The following SAXO1 variants were observed in gnomAD, a reference collection of about 807,000 sequenced individuals.
SAXO1 encodes the protein stabilizer of axonemal microtubules 1.
Under a neutral mutation model 17.5 loss-of-function variants are expected in SAXO1, and 21 were observed. That is an observed-to-expected ratio of 1.20 (90% CI 0.85 to 1.72). The LOEUF is 1.72. SAXO1 is among the 40% of genes most tolerant of loss of function. SAXO1 has a pLI of 0.00. For missense variants in SAXO1, 843 were observed against 596.0 expected, an observed-to-expected ratio of 1.41 and a Z score of -4.32; for synonymous variants, 274 against 216.5, an observed-to-expected ratio of 1.27 and a Z score of -2.33.
At chr9:18,977,993 CAAAAAAAAAAAAAAAAAAAA>C (rs371914686) in intron 1 of SAXO1, among the ~76,000 whole-genome samples, 1 of 98,660 alleles carries the variant, frequency 1.0e-5, no homozygotes. Flanking sequence ...GAGACCCTGC[CAAAAAAAAAAAAAAAAAAAA>C]AAAAAAAAAA....
In SAXO1 at chr9:18,941,691, G is replaced by A. The variant is rs142086584; in HGVS notation, c.367C>T (p.Arg123Trp). 57 of 1,614,030 alleles carry A rather than the reference G, an allele frequency of 3.5e-5. No homozygotes were observed. The highest frequency in any genetic ancestry group is 1.7e-4 in the African/African-American group (13 of 74,904). Reference protein sequence around the residue: ...PVCRVDPIKPRDSKYPCSDKM... With the variant: ...PVCRVDPIKPWDSKYPCSDKM... Reference sequence around the variant, plus strand: ...TCGCTACATGGATATTTACTGTCCCGAGGTTTGATGGGGTCCACTCGACAG... The same window carrying A: ...TCGCTACATGGATATTTACTGTCCCAAGGTTTGATGGGGTCCACTCGACAG... Residue 123 changes from arginine (R) to tryptophan (W), a missense_variant, in exon 3 of 4, where the codon CGG (arginine) becomes TGG (tryptophan). Transcript: ENST00000380534.
chr9:19,006,767 C>T (rs1222303750), intron 1 of SAXO1, among the ~76,000 whole-genome samples: 1 of 152,148 alleles, frequency 6.6e-6, no homozygotes, highest in East Asian at 1.9e-4. Context: ...AAAATGAGGC[C>T]AGGTGTGGTG....
chr9:18,942,809 G>A (rs766476729), intron 2 of SAXO1, among the ~76,000 whole-genome samples: 13 of 152,180 alleles, frequency 8.5e-5, no homozygotes, highest in African/African-American at 2.9e-4. Context: ...CAGGGCACTC[G>A]CAACTTCCCA....
chr9:18,959,036 G>C (rs572045897), intron 1 of SAXO1, among the ~76,000 whole-genome samples: 109 of 152,240 alleles, frequency 7.2e-4, no homozygotes, highest in Non-Finnish European at 1.4e-3. Flanking sequence ...AAAATCAAAA[G>C]TCATGAGGGC....
At chr9:19,040,663 AAGAG>A (rs777612228) in intron 1 of SAXO1, among the ~76,000 whole-genome samples, 23 of 152,178 alleles carry the variant, frequency 1.5e-4, no homozygotes, top group Middle Eastern at 3.4e-3. Context: ...AAGAAAAAAA[AAGAG>A]AGAGAGAGAA....
intron 1 of SAXO1, among the ~76,000 whole-genome samples, chr9:19,013,540 ATTTTTTT>A (rs1219136885): frequency 1.1e-5 from 1 of 93,196 alleles, no homozygotes; most frequent in African/African-American, 4.3e-5. Context: ...AAAAGTACGG[ATTTTTTT>A]TTTTTTTTTT....
Position 18,962,720 on chromosome 9 carries a change from C to G in SAXO1, c.39-11783G>C, listed in dbSNP as rs768085176. The stretch of plus-strand genomic sequence containing the variant: ...GGGTATTAGCCCTTTGTCAGATGGA[C>G]AGATTGCAAAAATTTTCTCCCTTTC... On this transcript the variant is annotated intron_variant, in intron 1 of 3. Coordinates refer to ENST00000380534, the MANE Select transcript of SAXO1 (RefSeq NM_153707.4). Among the ~76,000 whole-genome samples the G allele has an allele frequency of 1.1e-3, 172 of 152,132 alleles. 5 individuals are homozygous for G. The highest frequency in any genetic ancestry group is 5.9e-4 in the Admixed American group (9 of 15,270).
At chr9:19,042,415 C>T (rs1232853821) in intron 1 of SAXO1, among the ~76,000 whole-genome samples, 2 of 152,188 alleles carry the variant, frequency 1.3e-5, no homozygotes, top group Admixed American at 1.3e-4. Context: ...ATGGTACTAT[C>T]ATACGATTCA....
chr9:18,948,606 G>GT (rs1433966368), intron 2 of SAXO1, among the ~76,000 whole-genome samples: 1 of 152,126 alleles, frequency 6.6e-6, no homozygotes, highest in Non-Finnish European at 1.5e-5. Flanking sequence ...AGGTCAGAGG[G>GT]TAAGTTTTTG....
intron 1 of SAXO1, among the ~76,000 whole-genome samples, chr9:18,976,406 G>A (rs963862556): frequency 6.6e-6 from 1 of 152,194 alleles, no homozygotes; most frequent in Non-Finnish European, 1.5e-5. Flanking sequence ...ATCCTTCTGC[G>A]TGTGGGTCTG....
intron 1 of SAXO1, among the ~76,000 whole-genome samples, chr9:19,025,238 T>G (rs1279867435): frequency 6.6e-6 from 1 of 152,158 alleles, no homozygotes; most frequent in Non-Finnish European, 1.5e-5. Flanking sequence ...AGATAAGTCA[T>G]CAGCAAGTAT....
chr9:18,934,340 G>C (rs1374163938), intron 3 of SAXO1, among the ~76,000 whole-genome samples: 4 of 152,260 alleles, frequency 2.6e-5, no homozygotes, highest in East Asian at 3.9e-4. Flanking sequence ...TATTCCACGA[G>C]TCTGGTTTGG....
At chr9:19,017,274 T>C (rs1362029424) in intron 1 of SAXO1, among the ~76,000 whole-genome samples, 1 of 152,126 alleles carries the variant, frequency 6.6e-6, no homozygotes, top group East Asian at 1.9e-4. Flanking sequence ...AACCTACCTA[T>C]TGGGTACTCT....
chr9:19,030,160 T>C (rs573399298), intron 1 of SAXO1, among the ~76,000 whole-genome samples: 1 of 152,038 alleles, frequency 6.6e-6, no homozygotes, highest in East Asian at 1.9e-4. Flanking sequence ...AACATAGGTA[T>C]TTTAGAGAAA....
chr9:18,961,836 T>C (rs895070322), intron 1 of SAXO1, among the ~76,000 whole-genome samples: 8 of 152,156 alleles, frequency 5.3e-5, no homozygotes, highest in Admixed American at 5.2e-4. Context: ...GATGTACCTA[T>C]CCTTTGGTTA....
rs1013852954 is a variant in SAXO1 at position 18,950,705 on chromosome 9, T to A, written c.218+53A>T. The stretch of plus-strand genomic sequence containing the variant: ...TAATATTATACATTAGCACTGCATG[T>A]TACTCCATTAGTGTTGTATGTACCT... On this transcript the variant is annotated intron_variant, in intron 2 of 3. Coordinates refer to ENST00000380534, the MANE Select transcript of SAXO1 (RefSeq NM_153707.4). 3 of 1,493,792 alleles carry A rather than the reference T, an allele frequency of 2.0e-6. No individual in the cohort carries two copies. The African/African-American group carries it at 4.2e-5, about 21-fold the overall frequency. The allele number at this position is 1,493,792 out of a possible 1,614,324, so 92.5% of individuals were successfully genotyped here.
At chr9:18,967,247 T>C (rs891483412) in intron 1 of SAXO1, among the ~76,000 whole-genome samples, 2 of 152,200 alleles carry the variant, frequency 1.3e-5, no homozygotes, top group African/African-American at 4.8e-5. Context: ...GAGGAGGCAG[T>C]CTGTCCCCTA....
chr9:19,007,239 C>T (rs185005968), intron 1 of SAXO1, among the ~76,000 whole-genome samples: 263 of 151,222 alleles, frequency 1.7e-3, no homozygotes, highest in African/African-American at 6.1e-3. Context: ...CCCAGCTACT[C>T]GGGAGGCTGA....
At chr9:19,025,714 T>C (rs1213667494) in intron 1 of SAXO1, among the ~76,000 whole-genome samples, 1 of 152,208 alleles carries the variant, frequency 6.6e-6, no homozygotes, top group East Asian at 1.9e-4. Context: ...ATCTTTAAAA[T>C]GGTGCACTGT....
Sources: allele counts gnomAD v4.1 joint callset (sites outside exome capture counted in the v4.1 genomes callset), GRCh38; gene constraint gnomAD v4.1.1; transcripts MANE v1.5; gene names NCBI Gene and HGNC (gene_info 2026-07-23, HGNC 2026-07-21).